Variants in GAB2 observed in about 807,000 individuals in gnomAD.
The protein encoded by GAB2 is GRB2-associated-binding protein 2.
A neutral mutation model predicts 65.5 loss-of-function variants in GAB2; 26 were observed. The ratio of observed to expected loss-of-function variants is 0.40; its 90% CI spans 0.29 to 0.55. GAB2 has a LOEUF of 0.55. Among genes scored for constraint, GAB2 ranks in the 20% least tolerant of loss-of-function variants. The probability of loss-of-function intolerance (pLI) is 0.53; values close to 1 mark genes in which losing one functional copy is unlikely to be tolerated. For synonymous variants in GAB2, 321 were observed against 329.6 expected (o/e 0.97, Z 0.28); for missense variants, 884 against 875.8 (o/e 1.01, Z -0.12).
At chr11:78,300,044 C>A (rs1328589625) in intron 1 of GAB2, among the ~76,000 whole-genome samples, 4 of 152,104 alleles carry the variant, frequency 2.6e-5, no homozygotes, top group African/African-American at 9.7e-5. Flanking sequence ...TACCATCTAA[C>A]CACCACTTCA....
At position 78,264,382 on chromosome 11, in the gene GAB2, G is replaced by C. The variant is rs540589760; in HGVS notation, c.377-13982C>G. Among the ~76,000 whole-genome samples the C allele has an allele frequency of 1.2e-3, 179 of 148,630 alleles. 1 individual carries two copies. The highest frequency in any genetic ancestry group is 4.3e-3 in the African/African-American group (169 of 39,600). On this transcript the variant is annotated intron_variant, in intron 2 of 9. Transcript: ENST00000361507. ...TTTATTTTTTGATGCCATTGTGAAAGGAATTTTTTAAAAATTTCTTTTTCT... is the reference window on the plus strand; with the variant it reads ...TTTATTTTTTGATGCCATTGTGAAACGAATTTTTTAAAAATTTCTTTTTCT...
intron 3 of GAB2, among the ~76,000 whole-genome samples, chr11:78,241,411 G>T (rs1391873585): frequency 1.3e-5 from 2 of 152,072 alleles, no homozygotes; most frequent in Non-Finnish European, 2.9e-5. Context: ...AAAAAGGAAG[G>T]AAATATAACA....
chr11:78,417,544 G>C, intron 1 of GAB2, 102 bp downstream of exon 1: 1 of 515,470 alleles, frequency 1.9e-6, no homozygotes, highest in Non-Finnish European at 2.6e-6. Context: ...CGCGGCTCCG[G>C]GCCCGAGCTC....
At chr11:78,244,024 T>C (rs894140436) in intron 3 of GAB2, among the ~76,000 whole-genome samples, 1 of 151,582 alleles carries the variant, frequency 6.6e-6, no homozygotes, top group Non-Finnish European at 1.5e-5. Context: ...AAGTCTCCCA[T>C]CAAAAGCAAA....
At chr11:78,287,458 G>T (rs536708808) in intron 1 of GAB2, among the ~76,000 whole-genome samples, 1 of 151,988 alleles carries the variant, frequency 6.6e-6, no homozygotes, top group Non-Finnish European at 1.5e-5. Flanking sequence ...CTAAATTTTT[G>T]TAGAGATGGG....
chr11:78,333,362 T>C (rs995937830), intron 1 of GAB2, among the ~76,000 whole-genome samples: 2 of 152,198 alleles, frequency 1.3e-5, no homozygotes, highest in African/African-American at 4.8e-5. Context: ...AATCCTGAGC[T>C]GAAGCAATCT....
rs2134681023 is a variant in GAB2 at position 78,333,811 on chromosome 11, A to C, written c.76-52910T>G. Among the ~76,000 whole-genome samples the C allele has an allele frequency of 2.0e-5, 3 of 152,316 alleles. No individual in the cohort carries two copies. The South Asian group carries it at 6.2e-4, about 32-fold the overall frequency. On this transcript the variant is annotated intron_variant, in intron 1 of 9. Transcript: ENST00000361507. ...GCTCCTCTCCTAAATCCTTTAGATT[A>C]CCTGACACCACAATTTCCTGCATTT...
chr11:78,349,757 C>T (rs2134702581), intron 1 of GAB2, among the ~76,000 whole-genome samples: 1 of 151,938 alleles, frequency 6.6e-6, no homozygotes. Context: ...AGGTGGGGTA[C>T]ACCTCTGCTT....
intron 3 of GAB2, among the ~76,000 whole-genome samples, chr11:78,230,375 C>T (rs960514389): frequency 1.3e-5 from 2 of 152,234 alleles, no homozygotes; most frequent in East Asian, 1.9e-4. Flanking sequence ...ACTCACCTCC[C>T]TGTGGAACGC....
intron 1 of GAB2, among the ~76,000 whole-genome samples, chr11:78,377,118 T>G (rs1291106365): frequency 6.6e-6 from 1 of 152,258 alleles, no homozygotes; most frequent in Non-Finnish European, 1.5e-5. Context: ...ATGCTTCTGG[T>G]AAAGCCTGCA....
At chr11:78,368,238 A>AAC (rs1591069044) in intron 1 of GAB2, among the ~76,000 whole-genome samples, 1 of 152,178 alleles carries the variant, frequency 6.6e-6, no homozygotes, top group East Asian at 1.9e-4. Flanking sequence ...TTCAACCAGG[A>AAC]AGTCCATGAA....
chr11:78,292,250 C>A (rs183876603), intron 1 of GAB2, among the ~76,000 whole-genome samples: 7 of 152,226 alleles, frequency 4.6e-5, no homozygotes, highest in Middle Eastern at 6.8e-3. Flanking sequence ...CTTCAGAAAG[C>A]GGGAAGTTAA....
At chr11:78,364,549 C>T (rs1160548479) in intron 1 of GAB2, among the ~76,000 whole-genome samples, 1 of 152,208 alleles carries the variant, frequency 6.6e-6, no homozygotes, top group Non-Finnish European at 1.5e-5. Context: ...CCATTGATTT[C>T]ATCACCTACG....
chr11:78,257,195 T>C (rs1865616670), intron 2 of GAB2, among the ~76,000 whole-genome samples: 1 of 152,090 alleles, frequency 6.6e-6, no homozygotes, highest in Non-Finnish European at 1.5e-5. Context: ...AACCCAGCCA[T>C]CGACTGGCTA....
intron 1 of GAB2, among the ~76,000 whole-genome samples, chr11:78,367,972 G>A (rs1363476276): frequency 3.9e-5 from 6 of 151,906 alleles, no homozygotes; most frequent in African/African-American, 1.5e-4. Flanking sequence ...ACCCGCCACT[G>A]CGCCCGGCTA....
intron 1 of GAB2, among the ~76,000 whole-genome samples, chr11:78,408,988 G>A (rs868454594): frequency 3.3e-5 from 5 of 152,048 alleles, no homozygotes; most frequent in Non-Finnish European, 7.3e-5. Flanking sequence ...GTGCGAGAAC[G>A]GATTAATACA....
At chr11:78,381,866 G>A (rs1197807973) in intron 1 of GAB2, among the ~76,000 whole-genome samples, 1 of 152,150 alleles carries the variant, frequency 6.6e-6, no homozygotes, top group Non-Finnish European at 1.5e-5. Flanking sequence ...TGTGAGGTCA[G>A]GCCATTAAAA....
chr11:78,360,216 G>A (rs1306521463), intron 1 of GAB2, among the ~76,000 whole-genome samples: 1 of 152,038 alleles, frequency 6.6e-6, no homozygotes, highest in Non-Finnish European at 1.5e-5. Context: ...ACTGTAAGAC[G>A]ATAAATCTCT....
intron 1 of GAB2, among the ~76,000 whole-genome samples, chr11:78,304,460 C>T (rs1342656643): frequency 6.6e-6 from 1 of 152,068 alleles, no homozygotes; most frequent in African/African-American, 2.4e-5. Flanking sequence ...TTGGTGTACT[C>T]GATTTCGCCA....
Sources: allele counts gnomAD v4.1 joint callset (sites outside exome capture counted in the v4.1 genomes callset), GRCh38; gene constraint gnomAD v4.1.1; transcripts MANE v1.5; gene names NCBI Gene and HGNC (gene_info 2026-07-23, HGNC 2026-07-21).